Variants in ADAMTSL1 observed in about 807,000 individuals in gnomAD.
The protein encoded by ADAMTSL1 is ADAMTS like 1.
In ADAMTSL1, 126 loss-of-function variants were observed where a neutral mutation model predicts 201.8. The observed-to-expected ratio is 0.62, with a 90% CI of 0.54 to 0.72. The LOEUF (loss-of-function observed/expected upper bound fraction) is 0.72. Among genes scored for constraint, ADAMTSL1 ranks in the 30% least tolerant of loss-of-function variants. ADAMTSL1 has a pLI of 0.00. For synonymous variants in ADAMTSL1, 1,121 were observed against 903.4 expected (o/e 1.24, Z -4.32); for missense variants, 2,679 against 2,277.8 (o/e 1.18, Z -3.59).
At chr9:18,861,833 C>T (rs1827232875) in intron 23 of ADAMTSL1, among the ~76,000 whole-genome samples, 1 of 152,180 alleles carries the variant, frequency 6.6e-6, no homozygotes, top group African/African-American at 2.4e-5. Flanking sequence ...TGTCCTTACT[C>T]CTCCTCCTGC....
At chr9:18,866,416 T>C (rs1179181027) in intron 23 of ADAMTSL1, among the ~76,000 whole-genome samples, 2 of 152,218 alleles carry the variant, frequency 1.3e-5, no homozygotes, top group Non-Finnish European at 2.9e-5. Context: ...TTTTATAAAA[T>C]AAGCTACGTA....
chr9:18,763,187 G>A (rs902329479), intron 16 of ADAMTSL1, among the ~76,000 whole-genome samples: 2 of 152,050 alleles, frequency 1.3e-5, no homozygotes, highest in African/African-American at 4.8e-5. Flanking sequence ...CTGTCTTTTT[G>A]ATAAAAGCCA....
intron 1 of ADAMTSL1, among the ~76,000 whole-genome samples, chr9:18,015,986 C>A (rs1035959259): frequency 6.6e-6 from 1 of 152,044 alleles, no homozygotes; most frequent in African/African-American, 2.4e-5. Context: ...TGATTGGCTT[C>A]TTTTAGTTAT....
intron 2 of ADAMTSL1, among the ~76,000 whole-genome samples, chr9:18,182,824 G>C (rs1828561119): frequency 1.3e-5 from 2 of 152,142 alleles, no homozygotes; most frequent in Non-Finnish European, 2.9e-5. Context: ...AGTTCGGGCA[G>C]CCTGATTCCA....
At chr9:18,079,005 G>T (rs1247696606) in intron 1 of ADAMTSL1, among the ~76,000 whole-genome samples, 2 of 152,100 alleles carry the variant, frequency 1.3e-5, no homozygotes, top group African/African-American at 2.4e-5. Flanking sequence ...CCCCAGGCAG[G>T]GGTCAGAACC....
intron 14 of ADAMTSL1, among the ~76,000 whole-genome samples, chr9:18,710,303 G>T (rs1157664965): frequency 6.6e-6 from 1 of 152,150 alleles, no homozygotes; most frequent in Admixed American, 6.5e-5. Context: ...CACAGGGCTG[G>T]CCCAAGATAC....
chr9:17,980,681 G>C (rs1187848169), intron 1 of ADAMTSL1, among the ~76,000 whole-genome samples: 1 of 152,116 alleles, frequency 6.6e-6, no homozygotes, highest in African/African-American at 2.4e-5. Context: ...CCCTTATCAA[G>C]AGAAACACAA....
In ADAMTSL1 at chr9:18,777,678, C is replaced by T; in HGVS notation, c.3449C>T (p.Thr1150Ile). ...AGCAGCTCCCTGCGGACCTCCTCCA[C>T]CGGGGACGCCGGGGGAGGCTCTCGA... ...GFSSSLRTSS[T>I]GDAGGGSRRP... Residue 1150 changes from threonine (T) to isoleucine (I), a missense_variant, in exon 19 of 29, where the codon ACC (threonine) becomes ATC (isoleucine). Coordinates refer to ENST00000380548, the MANE Select transcript of ADAMTSL1 (RefSeq NM_001040272.6). The T allele has an allele frequency of 6.2e-7, 1 of 1,613,500 alleles. No homozygotes were observed. Among genetic ancestry groups the T allele is most frequent in the African/African-American group, 1.3e-5 (1 of 75,054 alleles).
chr9:18,781,284 C>G (rs995275870), intron 19 of ADAMTSL1, among the ~76,000 whole-genome samples: 2 of 152,144 alleles, frequency 1.3e-5, no homozygotes, highest in African/African-American at 4.8e-5. Flanking sequence ...GGGAAGATAC[C>G]TGAGAGGCAG....
chr9:18,743,515 G>A (rs947680954), intron 15 of ADAMTSL1, among the ~76,000 whole-genome samples: 2 of 152,158 alleles, frequency 1.3e-5, no homozygotes, highest in African/African-American at 2.4e-5. Flanking sequence ...CTTAGAAGGT[G>A]TGGCAAATTG....
At chr9:18,091,282 T>C (rs1209445016) in intron 1 of ADAMTSL1, among the ~76,000 whole-genome samples, 1 of 152,154 alleles carries the variant, frequency 6.6e-6, no homozygotes, top group African/African-American at 2.4e-5. Flanking sequence ...ATTTATATGG[T>C]GTCTCATCTT....
intron 2 of ADAMTSL1, among the ~76,000 whole-genome samples, chr9:18,371,103 T>C (rs1837024431): frequency 6.6e-6 from 1 of 152,198 alleles, no homozygotes; most frequent in Non-Finnish European, 1.5e-5. Flanking sequence ...AAATTCTTGC[T>C]TTAAGTAATA....
intron 1 of ADAMTSL1, among the ~76,000 whole-genome samples, chr9:17,958,030 C>T (rs116622419): frequency 2.1e-3 from 316 of 152,222 alleles, no homozygotes; most frequent in African/African-American, 7.4e-3. Context: ...AAACATCCTC[C>T]TACAAAATAT....
chr9:18,276,607 C>T (rs1260543682), intron 2 of ADAMTSL1, among the ~76,000 whole-genome samples: 1 of 152,190 alleles, frequency 6.6e-6, no homozygotes, highest in African/African-American at 2.4e-5. Flanking sequence ...GCAGGCTGTA[C>T]AAGAAGCGTG....
chr9:18,760,489 C>T (rs1820014188), intron 16 of ADAMTSL1, among the ~76,000 whole-genome samples: 1 of 152,174 alleles, frequency 6.6e-6, no homozygotes. Context: ...TGCAGTGTTA[C>T]ATAGACTTAT....
chr9:18,778,039 G>A (rs1379661326), intron 19 of ADAMTSL1, 133 bp downstream of exon 19: 1 of 1,134,888 alleles, frequency 8.8e-7, no homozygotes, highest in Non-Finnish European at 1.2e-6. Flanking sequence ...CCCCATCATG[G>A]GGTGCAGGCC....
In ADAMTSL1 at chr9:18,232,469, A is replaced by G. The variant is rs530984702; in HGVS notation, c.207+68488A>G. Among the ~76,000 whole-genome samples the G allele has an allele frequency of 1.1e-4, 17 of 152,114 alleles. No homozygotes were observed. In the East Asian group the frequency reaches 2.3e-3, roughly 21 times the overall value. On this transcript the variant is annotated intron_variant, in intron 2 of 29. Transcript: ENST00000680146. ...TTTAAAACTTCTGTATAATTTACCC[A>G]CTTATCTTGTTTATTCCACAAGGAT...
intron 3 of ADAMTSL1, among the ~76,000 whole-genome samples, chr9:18,566,691 T>A (rs1821920227): frequency 6.6e-6 from 1 of 152,148 alleles, no homozygotes; most frequent in African/African-American, 2.4e-5. Context: ...ACACAGGGCC[T>A]TGATTCCAGA....
At chr9:17,997,939 C>G (rs1377739072) in intron 1 of ADAMTSL1, among the ~76,000 whole-genome samples, 2 of 152,066 alleles carry the variant, frequency 1.3e-5, no homozygotes, top group African/African-American at 4.8e-5. Flanking sequence ...TTGCCCCTTA[C>G]TGTTACCTGG....
Sources: allele counts gnomAD v4.1 joint callset (sites outside exome capture counted in the v4.1 genomes callset), GRCh38; gene constraint gnomAD v4.1.1; transcripts MANE v1.5; gene names NCBI Gene and HGNC (gene_info 2026-07-23, HGNC 2026-07-21).